The following IL22RA2 variants were observed in gnomAD, a reference collection of about 807,000 sequenced individuals.
IL22RA2 encodes the protein interleukin 22 receptor subunit alpha 2, also known as interleukin-22 receptor subunit alpha-2.
A neutral mutation model predicts 30.7 loss-of-function variants in IL22RA2; 39 were observed. The ratio of observed to expected loss-of-function variants is 1.27; its 90% CI spans 0.98 to 1.66. IL22RA2 has a LOEUF of 1.66. Among genes scored for constraint, IL22RA2 ranks in the 40% most tolerant of loss-of-function variants. The pLI, the probability that IL22RA2 is intolerant of heterozygous loss-of-function variation, is 0.00. For synonymous variants in IL22RA2, 103 were observed against 105.0 expected (o/e 0.98, Z 0.11); for missense variants, 315 against 312.7 (o/e 1.01, Z -0.05).
chr6:137,156,693 G>C, intron 4 of IL22RA2, 66 bp downstream of exon 4: 2 of 1,574,548 alleles, frequency 1.3e-6, no homozygotes, highest in Non-Finnish European at 1.7e-6. Flanking sequence ...ATACAATCTT[G>C]GTCCATTTAA....
At chr6:137,155,950 G>A (rs1397192667) in intron 4 of IL22RA2, among the ~76,000 whole-genome samples, 3 of 152,288 alleles carry the variant, frequency 2.0e-5, no homozygotes, top group African/African-American at 7.2e-5. Context: ...TCAGCTTGCT[G>A]TTGAGTAATG....
intron 1 of IL22RA2, among the ~76,000 whole-genome samples, chr6:137,166,697 A>C (rs1778633355): frequency 1.3e-5 from 2 of 152,240 alleles, no homozygotes; most frequent in African/African-American, 4.8e-5. Context: ...GGAAGTTCTC[A>C]AATGGGAGGC....
Position 137,155,022 on chromosome 6 carries a change from A to G in IL22RA2, c.391T>C (p.Tyr131His), listed in dbSNP as rs750677222. 3 of 1,613,904 alleles carry G rather than the reference A, an allele frequency of 1.9e-6. No individual in the cohort carries two copies. Among genetic ancestry groups the G allele is most frequent in the Non-Finnish European group, 2.5e-6 (3 of 1,179,882 alleles). The change falls in exon 5 of 7, where the codon TAT becomes CAT. Residue 131 changes from tyrosine to histidine, a missense_variant. Coordinates refer to ENST00000296980, the MANE Select transcript of IL22RA2 (RefSeq NM_052962.3). Reference sequence around the variant, plus strand: ...GAGGCCGCCCTCACCCTCCCGTAATAAGGTTCCTGTATGTCTGAGGTTTCA... The same window carrying G: ...GAGGCCGCCCTCACCCTCCCGTAATGAGGTTCCTGTATGTCTGAGGTTTCA... Reference protein sequence around the residue: ...TSETSDIQEPYYGRVRAASAG... With the variant: ...TSETSDIQEPHYGRVRAASAG...
At chr6:137,147,670 T>G in intron 6 of IL22RA2, 52 bp downstream of exon 6, 1 of 1,364,360 alleles carries the variant, frequency 7.3e-7, no homozygotes. Flanking sequence ...ACAATATTGG[T>G]TAAATAAACA....
intron 1 of IL22RA2, among the ~76,000 whole-genome samples, chr6:137,169,965 A>C (rs1778697726): frequency 6.6e-6 from 1 of 152,162 alleles, no homozygotes; most frequent in Admixed American, 6.5e-5. Flanking sequence ...ACCCGAGTTC[A>C]CTCTTTGGAG....
At chr6:137,161,474 A>G (rs1034467009) in intron 2 of IL22RA2, among the ~76,000 whole-genome samples, 2 of 152,200 alleles carry the variant, frequency 1.3e-5, no homozygotes, top group Admixed American at 1.3e-4. Flanking sequence ...TGCACCCTCT[A>G]GAGAGCCTTT....
At chr6:137,154,832 T>A (rs1363724419) in intron 5 of IL22RA2, 109 bp downstream of exon 5, 1 of 836,560 alleles carries the variant, frequency 1.2e-6, no homozygotes, top group East Asian at 2.5e-5. Flanking sequence ...CCAAAAGAGA[T>A]AATGATGTAG....
In IL22RA2 at chr6:137,144,654, G is replaced by A. The variant is rs755560975; in HGVS notation, c.*970C>T. The A allele has an allele frequency of 6.6e-6, 1 of 152,316 alleles. No homozygotes were observed. The highest frequency in any genetic ancestry group is 1.5e-5 in the Non-Finnish European group (1 of 68,162). 9.4% of individuals were successfully genotyped at this position (152,316 alleles called of 1,614,324 possible). A position where few individuals can be genotyped will look rare whatever the true frequency, so the allele number is the denominator to read the frequency against. On this transcript the variant is annotated 3_prime_UTR_variant, in exon 7 of 7. Coordinates refer to ENST00000296980, the MANE Select transcript of IL22RA2 (RefSeq NM_052962.3). ...CGGTCCTTCTCCTGCTACCCACTGT[G>A]TGCTTCCAGCTTCAAGCTGAGTTCT...
At chr6:137,167,628 T>A (rs1171292821) in intron 1 of IL22RA2, among the ~76,000 whole-genome samples, 2 of 152,172 alleles carry the variant, frequency 1.3e-5, no homozygotes, top group African/African-American at 4.8e-5. Flanking sequence ...TGTGATCTTG[T>A]CTACTCCCAC....
At chr6:137,160,444 G>A (rs1778499339) in intron 2 of IL22RA2, among the ~76,000 whole-genome samples, 1 of 152,206 alleles carries the variant, frequency 6.6e-6, no homozygotes, top group Admixed American at 6.5e-5. Context: ...TGGTGAAGCT[G>A]ATTTTGTACC....
rs747036169 is a variant in IL22RA2, at chr6:137,154,968, T to C, written c.445A>G (p.Thr149Ala). ...TCCCACCAGGGAGTGAACCGCGGCG[T>C]CATGCTCCATTCTGAGTAGCTCCCA... ...SAGSYSEWSM[T>A]PRFTPWWETK... is the part of the protein sequence containing the mutation. Residue 149 changes from threonine (T) to alanine (A), a missense_variant, in exon 5 of 7, where the codon ACG (threonine) becomes GCG (alanine). Coordinates refer to ENST00000296980, the MANE Select transcript of IL22RA2 (RefSeq NM_052962.3). The C allele has an allele frequency of 6.2e-7, 1 of 1,614,030 alleles. No individual in the cohort carries two copies.
intron 6 of IL22RA2, among the ~76,000 whole-genome samples, chr6:137,145,989 G>A: frequency 6.6e-6 from 1 of 152,102 alleles, no homozygotes; most frequent in Non-Finnish European, 1.5e-5. Flanking sequence ...TCTCCTTGAG[G>A]GCTGTTGGCT....
chr6:137,164,152 A>T (rs910960725), intron 1 of IL22RA2, among the ~76,000 whole-genome samples: 3 of 152,190 alleles, frequency 2.0e-5, no homozygotes, highest in Non-Finnish European at 4.4e-5. Flanking sequence ...GAAAAACTTT[A>T]AAAAAAGTTT....
At chr6:137,167,070 G>A (rs1778640143) in intron 1 of IL22RA2, among the ~76,000 whole-genome samples, 1 of 152,238 alleles carries the variant, frequency 6.6e-6, no homozygotes, top group African/African-American at 2.4e-5. Context: ...GAAGTAACCA[G>A]AATCTTACTA....
Position 137,158,347 on chromosome 6 carries a change from A to C in IL22RA2, c.197T>G (p.Ile66Ser), listed in dbSNP as rs1372487446. The C allele has an allele frequency of 2.5e-6, 4 of 1,613,986 alleles. No homozygotes were observed. In the East Asian group the frequency reaches 8.9e-5, roughly 36 times the overall value. The change falls in exon 3 of 7, where the codon ATC (isoleucine) becomes AGC (serine). Residue 66 changes from isoleucine to serine, a missense_variant and splice_region_variant. Ile to Ser is a moderately radical substitution (Grantham distance 142). Transcript: ENST00000296980. Reference protein sequence around the residue: ...NSSVYFVQYKIMFSCSMKSSH... With the variant: ...NSSVYFVQYKSMFSCSMKSSH... ...GCTGAAGGAGGCTCAATTTACTTAC[A>C]TTTTGTACTGCACAAAATAGACACT... is the stretch of plus-strand genomic sequence containing the variant.
At chr6:137,152,472 A>G (rs921530278) in intron 5 of IL22RA2, among the ~76,000 whole-genome samples, 6 of 152,190 alleles carry the variant, frequency 3.9e-5, no homozygotes, top group Non-Finnish European at 7.4e-5. Flanking sequence ...CAAAAAAATC[A>G]TGTATTATAT....
chr6:137,149,106 T>G (rs1377165404), intron 5 of IL22RA2, among the ~76,000 whole-genome samples: 1 of 152,170 alleles, frequency 6.6e-6, no homozygotes, highest in Non-Finnish European at 1.5e-5. Context: ...TGGCTATTCC[T>G]TCTCAGTCTC....
rs187382784 is a variant in IL22RA2, at chr6:137,153,451, T to C, written c.472+1490A>G. On this transcript the variant is annotated intron_variant, in intron 5 of 6. Coordinates refer to ENST00000296980, the MANE Select transcript of IL22RA2 (RefSeq NM_052962.3). ...TATTTCTTCCACAGACAGAATTCAC[T>C]GGTCTAGGATACAAGAAGTAGAAGT... Among the ~76,000 whole-genome samples, 42 of 152,282 alleles carry C rather than the reference T, an allele frequency of 2.8e-4. No homozygotes were observed. In the East Asian group the frequency reaches 7.5e-3, roughly 27 times the overall value.
chr6:137,152,976 A>G (rs1778321274), intron 5 of IL22RA2, among the ~76,000 whole-genome samples: 1 of 152,118 alleles, frequency 6.6e-6, no homozygotes. Flanking sequence ...CGTTGCAGGT[A>G]GGTTTATTTT....
Sources: gnomAD v4.1 joint callset for allele counts (sites outside exome capture counted in the v4.1 genomes callset) on GRCh38, gnomAD v4.1.1 for gene constraint, MANE v1.5 for transcripts, NCBI Gene and HGNC (gene_info 2026-07-23, HGNC 2026-07-21) for gene names.